Variants in PRKG1 observed in about 807,000 individuals in gnomAD.
PRKG1 encodes the protein cGMP-dependent protein kinase 1.
In PRKG1, 35 loss-of-function variants were observed where a neutral mutation model predicts 88.1. That is an observed-to-expected ratio of 0.40 (90% CI 0.30 to 0.53). The LOEUF is 0.53. PRKG1 is among the 20% of genes least tolerant of loss of function. PRKG1 has a pLI of 0.59. For synonymous variants in PRKG1, 303 were observed against 292.5 expected, an observed-to-expected ratio of 1.04 and a Z score of -0.37; for missense variants, 540 against 839.8, an observed-to-expected ratio of 0.64 and a Z score of 4.41.
At chr10:52,260,547 G>A (rs1841409391) in intron 10 of PRKG1, among the ~76,000 whole-genome samples, 1 of 152,094 alleles carries the variant, frequency 6.6e-6, no homozygotes, top group Non-Finnish European at 1.5e-5. Context: ...GTGGTTATAT[G>A]TGTGCTTTAA....
At chr10:51,412,281 G>A (rs1042713752) in intron 2 of PRKG1, among the ~76,000 whole-genome samples, 2 of 151,000 alleles carry the variant, frequency 1.3e-5, no homozygotes, top group Non-Finnish European at 2.9e-5. Context: ...CAGGAAAAAA[G>A]GAAGGAAAAA....
intron 10 of PRKG1, among the ~76,000 whole-genome samples, chr10:52,270,722 G>A (rs1044598616): frequency 8.6e-6 from 1 of 116,660 alleles, no homozygotes; most frequent in South Asian, 3.3e-4. Context: ...GACTGTTGTG[G>A]GGTGGGGGGA....
Position 51,577,055 on chromosome 10 carries a change from T to G in PRKG1, c.592+109219T>G, listed in dbSNP as rs772940221. Among the ~76,000 whole-genome samples the G allele has an allele frequency of 1.0e-3, 158 of 152,134 alleles. 3 individuals carry two copies. In the Middle Eastern group the frequency reaches 0.044, roughly 43 times the overall value. On this transcript the variant is annotated intron_variant, in intron 3 of 17. Transcript: ENST00000373980. ...CTATAAAGTTTACTATCAAAAAGTT[T>G]AAGGTAATCACTTACCATTTCTGAG... is the stretch of plus-strand genomic sequence containing the variant.
At chr10:52,085,498 C>T (rs889689628) in intron 7 of PRKG1, among the ~76,000 whole-genome samples, 3 of 151,992 alleles carry the variant, frequency 2.0e-5, no homozygotes, top group South Asian at 2.1e-4. Flanking sequence ...TGGGATAATC[C>T]GTTCAAAGTG....
At chr10:51,786,585 C>T (rs1188731263) in intron 3 of PRKG1, among the ~76,000 whole-genome samples, 1 of 152,102 alleles carries the variant, frequency 6.6e-6, no homozygotes. Flanking sequence ...CTGAATACGT[C>T]AGTTGAGCCT....
chr10:52,261,409 T>C (rs1047416404), intron 10 of PRKG1, among the ~76,000 whole-genome samples: 2 of 152,020 alleles, frequency 1.3e-5, no homozygotes, highest in African/African-American at 2.4e-5. Flanking sequence ...AAGGCATATA[T>C]ATATAATAAG....
chr10:50,994,182 G>A (rs1280830524), intron 1 of PRKG1, among the ~76,000 whole-genome samples: 2 of 152,082 alleles, frequency 1.3e-5, no homozygotes, highest in Admixed American at 1.3e-4. Context: ...TATATGGGGA[G>A]AGTAAACATT....
chr10:51,334,152 T>TTCTCTCTCTCTC lies in PRKG1; in HGVS notation c.479-133542_479-133531dup, dbSNP rs10568175. On this transcript the variant is annotated intron_variant, in intron 2 of 17. Transcript: ENST00000373980. The stretch of plus-strand genomic sequence containing the variant: ...GCCCTTCCTTTCTTTCTCTCTCTCT[T>TTCTCTCTCTCTC]TCTCTCTCTCTCTCTCTCTCTCTCT... 8.2e-4 allele frequency among the ~76,000 whole-genome samples: 112 copies of TTCTCTCTCTCTC among 137,218 alleles called. 1 individual carries two copies. The East Asian group carries it at 8.6e-3, about 11-fold the overall frequency. The allele number at this position is 137,218 out of a possible 152,430, so 90.0% of individuals were successfully genotyped here.
intron 4 of PRKG1, among the ~76,000 whole-genome samples, chr10:51,899,166 A>G (rs1023848184): frequency 1.5e-4 from 23 of 152,188 alleles, no homozygotes; most frequent in African/African-American, 4.6e-4. Context: ...TTTTTCATCA[A>G]TACATCAATT....
chr10:51,028,247 G>T (rs1843235141), intron 1 of PRKG1, among the ~76,000 whole-genome samples: 1 of 152,068 alleles, frequency 6.6e-6, no homozygotes, highest in African/African-American at 2.4e-5. Flanking sequence ...ATATCTTTGA[G>T]GAAGCCCCAG....
In PRKG1 at chr10:51,196,093, A is replaced by G. The variant is rs80311027; in HGVS notation, c.478+42763A>G. On this transcript the variant is annotated intron_variant, in intron 2 of 17. Transcript: ENST00000373980. ...ATCCTTGCTATAATTATGGTCAAGA[A>G]GTAGAAAGGAGCAGGAGGGATAGTA... Among the ~76,000 whole-genome samples, 367 of 152,336 alleles carry G rather than the reference A, an allele frequency of 2.4e-3. 2 individuals carry two copies. Among genetic ancestry groups the G allele is most frequent in the African/African-American group, 8.6e-3 (356 of 41,584 alleles).
At chr10:52,141,016 A>G (rs911076572) in intron 8 of PRKG1, among the ~76,000 whole-genome samples, 14 of 152,188 alleles carry the variant, frequency 9.2e-5, no homozygotes, top group Non-Finnish European at 1.2e-4. Flanking sequence ...TTCATTTTCC[A>G]GAATAAAATC....
rs142579316 is a variant in PRKG1, at chr10:51,610,019, G to T, written c.592+142183G>T. 4.7e-3 allele frequency among the ~76,000 whole-genome samples: 710 copies of T among 152,140 alleles called. 7 individuals carry two copies. Among genetic ancestry groups the T allele is most frequent in the African/African-American group, 0.016 (655 of 41,486 alleles). Reference sequence around the variant, plus strand: ...TAAAAAAAAATTTTTTTGATCCATTGTATTTGTACATATTTATGGGTACAT... The same window carrying T: ...TAAAAAAAAATTTTTTTGATCCATTTTATTTGTACATATTTATGGGTACAT... On this transcript the variant is annotated intron_variant, in intron 3 of 17. Coordinates refer to ENST00000373980, the MANE Select transcript of PRKG1 (RefSeq NM_006258.4).
chr10:51,201,911 C>A (rs553284911), intron 2 of PRKG1, among the ~76,000 whole-genome samples: 10 of 152,326 alleles, frequency 6.6e-5, no homozygotes, highest in African/African-American at 2.4e-4. Flanking sequence ...TGACAGACAG[C>A]AAGTGAACAA....
At chr10:52,256,036 T>C (rs1402306987) in intron 10 of PRKG1, among the ~76,000 whole-genome samples, 1 of 142,496 alleles carries the variant, frequency 7.0e-6, no homozygotes, top group African/African-American at 2.5e-5. Flanking sequence ...TAAGGCCACT[T>C]AGTCATTGAA....
chr10:51,268,038 G>T (rs183235362), intron 2 of PRKG1, among the ~76,000 whole-genome samples: 6 of 152,252 alleles, frequency 3.9e-5, no homozygotes, highest in East Asian at 1.9e-4. Context: ...ACAAAAGAGA[G>T]AAATTTTTAA....
In PRKG1 at chr10:51,544,729, C is replaced by G. The variant is rs190256362; in HGVS notation, c.592+76893C>G. The stretch of plus-strand genomic sequence containing the variant: ...CTCTCCAGCACCTGTTGTTTCCTGA[C>G]ATTTTAATGATCGCCATTCTAACTG... On this transcript the variant is annotated intron_variant, in intron 3 of 17. Coordinates refer to ENST00000373980, the MANE Select transcript of PRKG1 (RefSeq NM_006258.4). Among the ~76,000 whole-genome samples the G allele has an allele frequency of 1.1e-3, 164 of 152,196 alleles. 1 individual carries two copies. The East Asian group carries it at 0.025, about 23-fold the overall frequency.
At chr10:52,228,788 CTG>C (rs1392418105) in intron 9 of PRKG1, among the ~76,000 whole-genome samples, 18 of 152,314 alleles carry the variant, frequency 1.2e-4, no homozygotes, top group African/African-American at 4.3e-4. Flanking sequence ...AAGTCAGAAT[CTG>C]TGCAAAACAG....
At chr10:51,310,789 T>G (rs569279508) in intron 2 of PRKG1, among the ~76,000 whole-genome samples, 24 of 152,228 alleles carry the variant, frequency 1.6e-4, no homozygotes, top group Admixed American at 5.2e-4. Flanking sequence ...GGTGCCCCCA[T>G]TATGGACCTT....
Sources: gnomAD v4.1 joint callset for allele counts (sites outside exome capture counted in the v4.1 genomes callset) on GRCh38, gnomAD v4.1.1 for gene constraint, MANE v1.5 for transcripts, NCBI Gene and HGNC (gene_info 2026-07-23, HGNC 2026-07-21) for gene names.